The following GALNT2 variants were observed in gnomAD, a reference collection of about 807,000 sequenced individuals.
GALNT2 encodes the protein polypeptide N-acetylgalactosaminyltransferase 2, also known as UDP-GalNAc:polypeptide N-acetylgalactosaminyltransferase 2.
In GALNT2, 31 loss-of-function variants were observed where a neutral mutation model predicts 81.4. That is an observed-to-expected ratio of 0.38 (90% CI 0.29 to 0.51). The LOEUF (loss-of-function observed/expected upper bound fraction) is 0.51. Among genes scored for constraint, GALNT2 ranks in the 20% least tolerant of loss-of-function variants. The probability of loss-of-function intolerance (pLI) is 0.87; values close to 1 mark genes in which losing one functional copy is unlikely to be tolerated. For missense variants in GALNT2, 629 were observed against 765.7 expected (o/e 0.82, Z 2.11); for synonymous variants, 303 against 287.4 (o/e 1.05, Z -0.55).
chr1:230,252,832 A>G (rs980918309), intron 10 of GALNT2, among the ~76,000 whole-genome samples: 1 of 142,022 alleles, frequency 7.0e-6, no homozygotes, highest in African/African-American at 2.6e-5. Context: ...TTTCTGAAAT[A>G]GAGACAACTT....
rs111823613 is a variant in GALNT2 at position 230,243,462 on chromosome 1, G to A, written c.729+35G>A. The stretch of plus-strand genomic sequence containing the variant: ...CGGGGGCTGGGAGGGGTGTCAGGTC[G>A]TGGGTGGTTGGTAGAGGGGACAGAA... On this transcript the variant is annotated intron_variant, in intron 7 of 15. Coordinates refer to ENST00000366672, the MANE Select transcript of GALNT2 (RefSeq NM_004481.5). The surrounding 1 kb of genome is among the most constrained non-coding windows in gnomAD (Gnocchi z 4.2). The A allele has an allele frequency of 3.2e-3, 5,089 of 1,604,180 alleles. 129 individuals carry two copies. The African/African-American group carries it at 0.059, about 19-fold the overall frequency.
At chr1:230,060,916 G>C (rs1412659185) in intron 1 of GALNT2, among the ~76,000 whole-genome samples, 1 of 152,014 alleles carries the variant, frequency 6.6e-6, no homozygotes, top group Non-Finnish European at 1.5e-5. Flanking sequence ...TCTCTCCTCT[G>C]CTTCTCTCTT....
At chr1:230,083,590 C>T (rs1008340084) in intron 1 of GALNT2, among the ~76,000 whole-genome samples, 20 of 152,096 alleles carry the variant, frequency 1.3e-4, no homozygotes, top group African/African-American at 4.8e-4. Flanking sequence ...CACCTGCAGC[C>T]CCCTGATGCT....
At chr1:230,097,827 C>T (rs1029450211) in intron 1 of GALNT2, among the ~76,000 whole-genome samples, 1 of 152,104 alleles carries the variant, frequency 6.6e-6, no homozygotes, top group Admixed American at 6.5e-5. Flanking sequence ...ACCAAATGTA[C>T]ATTATATTTT....
At chr1:230,134,084 A>G (rs975230067) in intron 1 of GALNT2, among the ~76,000 whole-genome samples, 2 of 145,978 alleles carry the variant, frequency 1.4e-5, no homozygotes, top group African/African-American at 5.1e-5. Flanking sequence ...CTTGATTTTG[A>G]TATTTAACTC....
At chr1:230,057,963 C>A, upstream of GALNT2, 1 of 451,198 alleles carries the variant, frequency 2.2e-6, no homozygotes, top group Non-Finnish European at 4.5e-6. Flanking sequence ...TTCCCCAGGA[C>A]GAAGGGAGGA....
chr1:230,104,944 AGAGT>A (rs1257937238), intron 1 of GALNT2, among the ~76,000 whole-genome samples: 2 of 152,226 alleles, frequency 1.3e-5, no homozygotes, highest in Non-Finnish European at 2.9e-5. Flanking sequence ...AAAATGAATC[AGAGT>A]GGGGGAAAGT....
chr1:230,113,186 G>T (rs1318438175), intron 1 of GALNT2, among the ~76,000 whole-genome samples: 1 of 152,178 alleles, frequency 6.6e-6, no homozygotes, highest in African/African-American at 2.4e-5. Flanking sequence ...TCTGTGCTCT[G>T]AACAGCTCTG....
At chr1:230,075,404 A>G (rs1409252134) in intron 1 of GALNT2, among the ~76,000 whole-genome samples, 2 of 152,104 alleles carry the variant, frequency 1.3e-5, no homozygotes, top group East Asian at 1.9e-4. Flanking sequence ...TACAGGCGTG[A>G]GCCACCGTGC....
At chr1:230,246,795 C>T (rs1665385534) in intron 8 of GALNT2, among the ~76,000 whole-genome samples, 1 of 152,104 alleles carries the variant, frequency 6.6e-6, no homozygotes, top group Non-Finnish European at 1.5e-5. Context: ...CACCCTGGAG[C>T]CCCAAGAGCA....
At chr1:230,176,257 A>G (rs1458457202) in intron 1 of GALNT2, among the ~76,000 whole-genome samples, 2 of 152,212 alleles carry the variant, frequency 1.3e-5, no homozygotes, top group Non-Finnish European at 2.9e-5. Context: ...TGGGCAAATC[A>G]ATCTTATTTG....
intron 2 of GALNT2, among the ~76,000 whole-genome samples, chr1:230,181,424 G>A (rs966495335): frequency 6.6e-6 from 1 of 152,140 alleles, no homozygotes; most frequent in Non-Finnish European, 1.5e-5. Flanking sequence ...AGCCACTGTT[G>A]CATAACTGGC....
rs993126888 is a variant in GALNT2, at chr1:230,082,292, C to T, written c.126+14886C>T. Among the ~76,000 whole-genome samples the T allele has an allele frequency of 3.9e-5, 6 of 152,262 alleles. No homozygotes were observed. In the South Asian group the frequency reaches 1.2e-3, roughly 31 times the overall value. On this transcript the variant is annotated intron_variant, in intron 1 of 15. Coordinates refer to ENST00000366672, the MANE Select transcript of GALNT2 (RefSeq NM_004481.5). ...ATTTGGGTTACATTTTTAAGGTTCTCTAATCGGTCAAAGTGCTGTGTAAGT... is the reference window on the plus strand; with the variant it reads ...ATTTGGGTTACATTTTTAAGGTTCTTTAATCGGTCAAAGTGCTGTGTAAGT...
chr1:230,273,891 C>G (rs1666215496), intron 14 of GALNT2, among the ~76,000 whole-genome samples: 1 of 152,210 alleles, frequency 6.6e-6, no homozygotes. Context: ...TTTCAGAGGG[C>G]TTCATGAGCA....
At position 230,134,087 on chromosome 1, in the gene GALNT2, T is replaced by C. The variant is rs140222249; in HGVS notation, c.127-44131T>C. ...TTGGTTGGTTTGCTTGATTTTGATA[T>C]TTAACTCTTCATCCACCTGAATCTG... is the stretch of plus-strand genomic sequence containing the variant. On this transcript the variant is annotated intron_variant, in intron 1 of 15. Transcript: ENST00000366672. Among the ~76,000 whole-genome samples, 385 of 151,960 alleles carry C rather than the reference T, an allele frequency of 2.5e-3. 1 individual carries two copies. Among genetic ancestry groups the C allele is most frequent in the African/African-American group, 8.8e-3 (364 of 41,452 alleles).
At chr1:230,100,470 C>T (rs1660370570) in intron 1 of GALNT2, among the ~76,000 whole-genome samples, 1 of 152,106 alleles carries the variant, frequency 6.6e-6, no homozygotes, top group African/African-American at 2.4e-5. Context: ...GGATTACAGG[C>T]ACCTGCCACC....
chr1:230,061,440 G>A (rs1424302790), intron 1 of GALNT2, among the ~76,000 whole-genome samples: 2 of 152,022 alleles, frequency 1.3e-5, no homozygotes, highest in African/African-American at 2.4e-5. Context: ...AAAATAAAGG[G>A]CTTTAAAATT....
chr1:230,141,041 A>C (rs1661714397), intron 1 of GALNT2, among the ~76,000 whole-genome samples: 1 of 152,380 alleles, frequency 6.6e-6, no homozygotes, highest in African/African-American at 2.4e-5. Context: ...ATGACAAACG[A>C]AACAAGAATG....
At chr1:230,139,831 T>C (rs1248787476) in intron 1 of GALNT2, among the ~76,000 whole-genome samples, 2 of 152,260 alleles carry the variant, frequency 1.3e-5, no homozygotes, top group Non-Finnish European at 2.9e-5. Flanking sequence ...AGAGTTGTTT[T>C]GCTTTGGGCT....
Sources: allele counts gnomAD v4.1 joint callset (sites outside exome capture counted in the v4.1 genomes callset), GRCh38; gene constraint gnomAD v4.1.1; non-coding constraint Gnocchi (gnomAD v3.1); transcripts MANE v1.5; gene names NCBI Gene and HGNC (gene_info 2026-07-23, HGNC 2026-07-21).